CPA6: variants seen among roughly 807,000 people sequenced by gnomAD.
CPA6 encodes carboxypeptidase A6, also known as carboxypeptidase B.
A neutral mutation model predicts 63.3 loss-of-function variants in CPA6; 58 were observed. The observed-to-expected ratio is 0.92, with a 90% CI of 0.74 to 1.14. The LOEUF (loss-of-function observed/expected upper bound fraction) is 1.14, where lower values mean the gene tolerates loss of function less well. Among genes scored for constraint, CPA6 ranks in the 50% most tolerant of loss-of-function variants. The probability of loss-of-function intolerance (pLI) is 0.00; values close to 1 mark genes in which losing one functional copy is unlikely to be tolerated. For missense variants in CPA6, 565 were observed against 526.6 expected (o/e 1.07, Z -0.71); for synonymous variants, 185 against 179.0 (o/e 1.03, Z -0.27).
intron 6 of CPA6, among the ~76,000 whole-genome samples, chr8:67,496,973 C>A (rs7002755): frequency 6.6e-6 from 1 of 152,100 alleles, no homozygotes; most frequent in Admixed American, 6.5e-5. Flanking sequence ...TCCAGAAATT[C>A]GCTGATTTGG....
chr8:67,718,933 C>T lies in CPA6; in HGVS notation c.116+27081G>A, dbSNP rs548239543. On this transcript the variant is annotated intron_variant, in intron 1 of 10. Coordinates refer to ENST00000297770, the MANE Select transcript of CPA6 (RefSeq NM_020361.5). ...GTGCTGGGATTACAGGCATGAGCCACCGCACCTGGCCAAGTGTTAAATTTA... is the reference window on the plus strand; with the variant it reads ...GTGCTGGGATTACAGGCATGAGCCATCGCACCTGGCCAAGTGTTAAATTTA... Among the ~76,000 whole-genome samples the T allele has an allele frequency of 3.9e-5, 6 of 152,264 alleles. No homozygotes were observed. The South Asian group carries it at 1.0e-3, about 26-fold the overall frequency.
At chr8:67,676,253 G>A (rs1816472373) in intron 1 of CPA6, among the ~76,000 whole-genome samples, 1 of 152,140 alleles carries the variant, frequency 6.6e-6, no homozygotes, top group African/African-American at 2.4e-5. Context: ...AATATGGAGA[G>A]GCAGCTTCGC....
chr8:67,620,228 C>T (rs1212831976), intron 2 of CPA6, among the ~76,000 whole-genome samples: 1 of 152,188 alleles, frequency 6.6e-6, no homozygotes, highest in Admixed American at 6.5e-5. Context: ...CCGACCTCTT[C>T]TGTGAACAGC....
chr8:67,606,543 T>C (rs887390582), intron 2 of CPA6, among the ~76,000 whole-genome samples: 3 of 152,094 alleles, frequency 2.0e-5, no homozygotes, highest in Admixed American at 6.5e-5. Context: ...CAGCCTCCCT[T>C]TTACCATTTA....
intron 1 of CPA6, among the ~76,000 whole-genome samples, chr8:67,721,800 G>A (rs1361860798): frequency 1.3e-5 from 2 of 152,084 alleles, no homozygotes; most frequent in Non-Finnish European, 2.9e-5. Context: ...TTATGGTAGG[G>A]GCTTTCAAAA....
chr8:67,546,428 T>C (rs1812820099), intron 2 of CPA6, among the ~76,000 whole-genome samples: 1 of 152,254 alleles, frequency 6.6e-6, no homozygotes, highest in African/African-American at 2.4e-5. Context: ...GTTCAAATGT[T>C]ACCTCTTCTG....
At chr8:67,644,120 T>G (rs1047523344) in intron 1 of CPA6, among the ~76,000 whole-genome samples, 2 of 139,176 alleles carry the variant, frequency 1.4e-5, no homozygotes, top group African/African-American at 2.7e-5. Flanking sequence ...TATTGCTGTC[T>G]TATTTTTTTT....
chr8:67,434,319 T>C, intron 8 of CPA6, 79 bp from the exon 9 acceptor site: 1 of 1,117,728 alleles, frequency 8.9e-7, no homozygotes, highest in South Asian at 1.4e-5. Context: ...TGTTAAGCTG[T>C]GATTTTTCTT....
At chr8:67,717,939 C>A (rs1298376505) in intron 1 of CPA6, among the ~76,000 whole-genome samples, 1 of 152,132 alleles carries the variant, frequency 6.6e-6, no homozygotes, top group Admixed American at 6.5e-5. Flanking sequence ...CCTGTTGACA[C>A]CTTGATTCTA....
intron 2 of CPA6, among the ~76,000 whole-genome samples, chr8:67,547,298 G>T: frequency 6.6e-6 from 1 of 152,102 alleles, no homozygotes; most frequent in South Asian, 2.1e-4. Flanking sequence ...CGCCCGCCTC[G>T]GCCTCCCAAA....
intron 2 of CPA6, among the ~76,000 whole-genome samples, chr8:67,623,833 G>A (rs1165728706): frequency 6.6e-6 from 1 of 151,976 alleles, no homozygotes; most frequent in African/African-American, 2.4e-5. Flanking sequence ...GCTGAGGTGG[G>A]TGGATCACGA....
At chr8:67,665,582 T>C (rs1816209094) in intron 1 of CPA6, among the ~76,000 whole-genome samples, 1 of 152,226 alleles carries the variant, frequency 6.6e-6, no homozygotes, top group Non-Finnish European at 1.5e-5. Flanking sequence ...CAACTTTATG[T>C]CAATTTTTCT....
intron 1 of CPA6, among the ~76,000 whole-genome samples, chr8:67,744,932 C>G (rs1817980199): frequency 6.6e-6 from 1 of 152,202 alleles, no homozygotes; most frequent in Admixed American, 6.5e-5. Context: ...AAAATTTCCT[C>G]TGTAAGCACT....
At chr8:67,537,393 G>C (rs912727069) in intron 2 of CPA6, among the ~76,000 whole-genome samples, 8 of 152,074 alleles carry the variant, frequency 5.3e-5, no homozygotes, top group African/African-American at 1.9e-4. Context: ...GTCTATTTAG[G>C]CATTTGACTT....
intron 2 of CPA6, among the ~76,000 whole-genome samples, chr8:67,561,653 C>T (rs1302092817): frequency 6.6e-6 from 1 of 152,018 alleles, no homozygotes; most frequent in East Asian, 1.9e-4. Flanking sequence ...CTATAAAGGC[C>T]ATTATTGGGA....
intron 2 of CPA6, among the ~76,000 whole-genome samples, chr8:67,541,602 C>T (rs2128970923): frequency 6.6e-6 from 1 of 152,288 alleles, no homozygotes; most frequent in East Asian, 1.9e-4. Flanking sequence ...GAATTGCTCA[C>T]TCAGGGAGCT....
chr8:67,662,978 T>C (rs562600360), intron 1 of CPA6, among the ~76,000 whole-genome samples: 1 of 152,276 alleles, frequency 6.6e-6, no homozygotes, highest in South Asian at 2.1e-4. Context: ...AGTCAAAGTC[T>C]GTTCTCTAAG....
rs778158582 is a variant in CPA6, at chr8:67,483,862, G to T, written c.748-4C>A. ...TTGTTTTTCTCCAAAATCGATCCTAGACATAATTAAGAAAACAGGTGCTGA... is the reference window on the plus strand; with the variant it reads ...TTGTTTTTCTCCAAAATCGATCCTATACATAATTAAGAAAACAGGTGCTGA... On this transcript the variant is annotated splice_polypyrimidine_tract_variant and splice_region_variant and intron_variant, in intron 7 of 10. Transcript: ENST00000297770. 1 of 1,611,922 alleles carries T rather than the reference G, an allele frequency of 6.2e-7. No homozygotes were observed. The highest frequency in any genetic ancestry group is 1.3e-5 in the African/African-American group (1 of 74,972).
At chr8:67,472,255 T>G (rs1811074318) in intron 8 of CPA6, among the ~76,000 whole-genome samples, 1 of 152,028 alleles carries the variant, frequency 6.6e-6, no homozygotes, top group Non-Finnish European at 1.5e-5. Flanking sequence ...AGTAGCTTAG[T>G]GTCCCAAGAG....
Sources: allele counts gnomAD v4.1 joint callset (sites outside exome capture counted in the v4.1 genomes callset), GRCh38; gene constraint gnomAD v4.1.1; transcripts MANE v1.5; gene names NCBI Gene and HGNC (gene_info 2026-07-23, HGNC 2026-07-21).